Variants in CSMD1 observed in about 807,000 individuals in gnomAD.
The protein encoded by CSMD1 is CUB and sushi domain-containing protein 1.
In CSMD1, 213 loss-of-function variants were observed where a neutral mutation model predicts 417.5. The observed-to-expected ratio is 0.51, with a 90% confidence interval of 0.46 to 0.57. CSMD1 has a LOEUF of 0.57. CSMD1 is among the 20% of genes least tolerant of loss of function. CSMD1 has a pLI of 0.00. For synonymous variants in CSMD1, 2,862 were observed against 1,736.8 expected, an observed-to-expected ratio of 1.65 and a Z score of -16.11; for missense variants, 6,923 against 4,529.7, an observed-to-expected ratio of 1.53 and a Z score of -15.17.
At chr8:3,974,893 A>G (rs891561054) in intron 5 of CSMD1, among the ~76,000 whole-genome samples, 6 of 151,080 alleles carry the variant, frequency 4.0e-5, no homozygotes, top group Admixed American at 1.3e-4. Context: ...TAAAAATAAC[A>G]TATATTTTTA....
chr8:3,540,829 G>C (rs1164418747), intron 10 of CSMD1, among the ~76,000 whole-genome samples: 1 of 152,188 alleles, frequency 6.6e-6, no homozygotes, highest in East Asian at 1.9e-4. Flanking sequence ...AAACCACAAT[G>C]AGATCATTTC....
At chr8:3,850,024 G>A (rs900967089) in intron 5 of CSMD1, among the ~76,000 whole-genome samples, 1 of 143,826 alleles carries the variant, frequency 7.0e-6, no homozygotes, top group Non-Finnish European at 1.5e-5. Context: ...TCAAACTTCT[G>A]ACCTCAGGTG....
At chr8:4,067,064 G>C (rs544754212) in intron 3 of CSMD1, among the ~76,000 whole-genome samples, 28 of 152,326 alleles carry the variant, frequency 1.8e-4, no homozygotes, top group Middle Eastern at 6.8e-3. Flanking sequence ...ACATGGCGAA[G>C]ACTGAAATTC....
At chr8:4,196,240 A>C (rs1799334165) in intron 3 of CSMD1, among the ~76,000 whole-genome samples, 1 of 152,108 alleles carries the variant, frequency 6.6e-6, no homozygotes, top group South Asian at 2.1e-4. Flanking sequence ...AATAATAAAA[A>C]TAAACGTCTG....
intron 49 of CSMD1, among the ~76,000 whole-genome samples, chr8:3,083,829 T>C: frequency 6.6e-6 from 1 of 151,058 alleles, no homozygotes; most frequent in Non-Finnish European, 1.5e-5. Context: ...CTGGCTAATG[T>C]TTGTATTTCC....
chr8:4,902,285 A>AT (rs1237268389), intron 1 of CSMD1, among the ~76,000 whole-genome samples: 17 of 151,560 alleles, frequency 1.1e-4, no homozygotes, highest in African/African-American at 3.4e-4. Flanking sequence ...TAAAAAAAAA[A>AT]AAAAATCCTG....
chr8:4,671,963 T>C (rs1368343991), intron 1 of CSMD1, among the ~76,000 whole-genome samples: 1 of 152,146 alleles, frequency 6.6e-6, no homozygotes, highest in Non-Finnish European at 1.5e-5. Context: ...CTCGCCGAGG[T>C]AGGCAGTGTT....
At chr8:4,431,711 T>A (rs1585064148) in intron 2 of CSMD1, among the ~76,000 whole-genome samples, 1 of 152,284 alleles carries the variant, frequency 6.6e-6, no homozygotes, top group Non-Finnish European at 1.5e-5. Context: ...GACAGCAGAA[T>A]TAAGACAATG....
Position 4,181,534 on chromosome 8 carries a change from A to G in CSMD1, c.416-149435T>C, listed in dbSNP as rs58246329. ...CCAGAAAACCTTACAATATTTTAAG[A>G]AAGTTTATGAATTTGTGTTTGGCCA... On this transcript the variant is annotated intron_variant, in intron 3 of 69. Transcript: ENST00000635120. Among the ~76,000 whole-genome samples, 51 of 152,280 alleles carry G rather than the reference A, an allele frequency of 3.3e-4. No homozygotes were observed. In the East Asian group the frequency reaches 9.5e-3, roughly 28 times the overall value.
intron 3 of CSMD1, among the ~76,000 whole-genome samples, chr8:4,203,860 G>C (rs1178034664): frequency 6.6e-6 from 1 of 152,120 alleles, no homozygotes; most frequent in Non-Finnish European, 1.5e-5. Flanking sequence ...AGCACTTTTG[G>C]AAGGCTGAGG....
intron 5 of CSMD1, among the ~76,000 whole-genome samples, 174 bp downstream of exon 5, chr8:3,997,729 T>A (rs181425224): frequency 1.3e-5 from 2 of 152,006 alleles, no homozygotes; most frequent in African/African-American, 4.8e-5. Context: ...CTTAGAAACT[T>A]TGAAATTACT....
intron 10 of CSMD1, among the ~76,000 whole-genome samples, chr8:3,551,700 G>A (rs1426624762): frequency 6.6e-6 from 1 of 150,384 alleles, no homozygotes; most frequent in East Asian, 2.0e-4. Flanking sequence ...AGACATGACT[G>A]ATGATGAGAA....
intron 6 of CSMD1, among the ~76,000 whole-genome samples, chr8:3,747,532 G>C (rs1352779933): frequency 6.6e-6 from 1 of 151,362 alleles, no homozygotes; most frequent in Non-Finnish European, 1.5e-5. Flanking sequence ...GTATGTGAGA[G>C]TCATCCATGT....
rs180990601 is a variant in CSMD1 at position 4,209,123 on chromosome 8, T to C, written c.416-177024A>G. ...GCTGATGATTTACAGTGTTAACACA[T>C]CTTCATGATTTCTATCTAAAACCAA... is the stretch of plus-strand genomic sequence containing the variant. On this transcript the variant is annotated intron_variant, in intron 3 of 69. Coordinates refer to ENST00000635120, the MANE Select transcript of CSMD1 (RefSeq NM_033225.6). Among the ~76,000 whole-genome samples the C allele has an allele frequency of 7.2e-5, 11 of 152,328 alleles. 1 individual carries two copies. The East Asian group carries it at 2.1e-3, about 29-fold the overall frequency.
At chr8:3,218,823 C>T (rs532808369) in intron 29 of CSMD1, among the ~76,000 whole-genome samples, 13 of 151,882 alleles carry the variant, frequency 8.6e-5, no homozygotes, top group African/African-American at 2.4e-4. Context: ...AGCGAGCTGA[C>T]ATCGTGCCAT....
At chr8:3,948,427 G>A (rs375011559) in intron 5 of CSMD1, among the ~76,000 whole-genome samples, 3 of 152,058 alleles carry the variant, frequency 2.0e-5, no homozygotes, top group South Asian at 4.1e-4. Context: ...GGGGAAAGAC[G>A]TTAGGTTTTG....
In CSMD1 at chr8:3,052,498, A is replaced by G. The variant is rs6558703; in HGVS notation, c.7624T>C (p.Leu2542=). 1 allele frequency: 1,588,855 copies of G among 1,594,310 alleles called. 791,872 individuals carry two copies. Among genetic ancestry groups the G allele is most frequent in the East Asian group, 1 (44,122 of 44,124 alleles). Residue 2542 remains leucine, a synonymous_variant, in exon 50 of 70, where the codon TTG becomes CTG. Transcript: ENST00000635120. ...GGCGGCTTCCCCTTGTTACTCCACA[A>G]CCCATCTTCTTGACACACGGCTGTT... The part of the protein sequence containing the change: ...QATAVCQEDG[L]WSNKGKPPTC...
At chr8:3,437,758 T>TC (rs1169115300) in intron 12 of CSMD1, among the ~76,000 whole-genome samples, 1 of 151,784 alleles carries the variant, frequency 6.6e-6, no homozygotes, top group African/African-American at 2.4e-5. Flanking sequence ...TCTTTTCTTT[T>TC]TTTTTTTGTT....
At chr8:4,612,147 G>C (rs1047890568) in intron 2 of CSMD1, among the ~76,000 whole-genome samples, 6 of 152,138 alleles carry the variant, frequency 3.9e-5, no homozygotes, top group African/African-American at 1.2e-4. Flanking sequence ...GCAGAGACCT[G>C]ATCGGAGACG....
Sources: allele counts gnomAD v4.1 joint callset (sites outside exome capture counted in the v4.1 genomes callset), GRCh38; gene constraint gnomAD v4.1.1; transcripts MANE v1.5; gene names NCBI Gene and HGNC (gene_info 2026-07-23, HGNC 2026-07-21).